Variants in SYNE1 observed in about 807,000 individuals in gnomAD.
SYNE1 encodes the protein nesprin-1.
Under a neutral mutation model 1,111.0 loss-of-function variants are expected in SYNE1, and 616 were observed. The ratio of observed to expected loss-of-function variants is 0.55; its 90% CI spans 0.52 to 0.59. SYNE1 has a LOEUF of 0.59. Ranked by LOEUF, SYNE1 falls within the 20% of genes least tolerant of loss-of-function variation. The pLI, the probability that SYNE1 is intolerant of heterozygous loss-of-function variation, is 0.00. For missense variants in SYNE1, 10,006 were observed against 10,417.0 expected (o/e 0.96, Z 1.72); for synonymous variants, 3,855 against 3,825.8 (o/e 1.01, Z -0.28).
chr6:152,412,809 A>T (rs562320371), intron 42 of SYNE1, among the ~76,000 whole-genome samples: 1 of 152,188 alleles, frequency 6.6e-6, no homozygotes, highest in South Asian at 2.1e-4. Flanking sequence ...GTACTTCATA[A>T]CTGTTGACAA....
At position 152,442,119 on chromosome 6, in the gene SYNE1, C is replaced by A. The variant is rs1325233381; in HGVS notation, c.3964G>T (p.Asp1322Tyr). 6.2e-7 allele frequency: 1 copy of A among 1,614,110 alleles called. No homozygotes were observed. Among genetic ancestry groups the A allele is most frequent in the South Asian group, 1.1e-5 (1 of 91,082 alleles). ...EELRKLESTL[D>Y]GLERSRERQE... ...CTCTCCCGGCTGCGCTCCAGGCCAT[C>A]CAGTGTGCTCTCCAGCTTCCGCAGC... is the stretch of plus-strand genomic sequence containing the variant. Residue 1322 changes from aspartate to tyrosine, a missense_variant, in exon 31 of 146, where the codon GAT becomes TAT. Around this residue, in one of 7 missense-constraint regions of SYNE1, gnomAD observed 1,971 missense variants for 2,084.1 expected, o/e 0.95. Transcript: ENST00000367255.
chr6:152,611,522 A>C, intron 3 of SYNE1, among the ~76,000 whole-genome samples: 1 of 152,142 alleles, frequency 6.6e-6, no homozygotes, highest in Non-Finnish European at 1.5e-5. Context: ...CTACAAAGAG[A>C]CTTAGACTCC....
chr6:152,485,017 A>C, intron 12 of SYNE1, 45 bp from the exon 13 acceptor site: 1 of 1,595,748 alleles, frequency 6.3e-7, no homozygotes. Context: ...AGTCAAAAAA[A>C]GCAAAAGCAA....
chr6:152,376,238 C>T lies in SYNE1; in HGVS notation c.9324+143G>A, dbSNP rs1007305934. ...GGCAGTAACGCTCATTGGCCTGCTG[C>T]TCACCTCCTGCTGTGCGGCCTGGTT... On this transcript the variant is annotated intron_variant, in intron 58 of 145. Coordinates refer to ENST00000367255, the MANE Select transcript of SYNE1 (RefSeq NM_182961.4). 103 of 787,388 alleles carry T rather than the reference C, an allele frequency of 1.3e-4. No homozygotes were observed. The Middle Eastern group carries it at 1.8e-3, about 14-fold the overall frequency. The allele number at this position is 787,388 out of a possible 1,614,324, so 48.8% of individuals were successfully genotyped here.
intron 3 of SYNE1, among the ~76,000 whole-genome samples, chr6:152,543,943 T>C (rs2099290365): frequency 6.6e-6 from 1 of 152,108 alleles, no homozygotes; most frequent in Admixed American, 6.6e-5. Context: ...CCCTACAGAG[T>C]TCCCACAATG....
rs923880167 is a variant in SYNE1, at chr6:152,347,891, A to G, written c.11902-656T>C. On this transcript the variant is annotated intron_variant, in intron 72 of 145. Transcript: ENST00000367255. The stretch of plus-strand genomic sequence containing the variant: ...TTTTTAGTAGAGATGGAGTTTTACC[A>G]TGTTGGCCAGCTGGTCTTGAACTCC... Among the ~76,000 whole-genome samples the G allele has an allele frequency of 4.0e-5, 6 of 148,668 alleles. No individual in the cohort carries two copies. The East Asian group carries it at 1.2e-3, about 29-fold the overall frequency.
intron 93 of SYNE1, among the ~76,000 whole-genome samples, chr6:152,294,506 A>G (rs572295442): frequency 2.0e-5 from 3 of 152,342 alleles, no homozygotes; most frequent in Admixed American, 1.3e-4. Context: ...ATGTTGTCGA[A>G]TGTATTCATT....
At chr6:152,482,950 T>C (rs1192898112) in intron 14 of SYNE1, 135 bp downstream of exon 14, 1 of 996,222 alleles carries the variant, frequency 1.0e-6, no homozygotes, top group Admixed American at 1.7e-5. Flanking sequence ...TAGAGAACTC[T>C]AAGAAGGTGT....
At chr6:152,511,641 T>C in intron 6 of SYNE1, 1 of 1,571,904 alleles carries the variant, frequency 6.4e-7, no homozygotes, top group Non-Finnish European at 8.8e-7. Context: ...TAAATCATCT[T>C]TCAAAATCAG....
chr6:152,633,395 AG>A (rs1444900962), intron 2 of SYNE1, among the ~76,000 whole-genome samples: 1 of 152,270 alleles, frequency 6.6e-6, no homozygotes, highest in Non-Finnish European at 1.5e-5. Flanking sequence ...CATGGTACTG[AG>A]TAAACAGCAG....
At chr6:152,180,680 A>T (rs2067748378) in intron 128 of SYNE1, among the ~76,000 whole-genome samples, 1 of 152,146 alleles carries the variant, frequency 6.6e-6, no homozygotes, top group Admixed American at 6.5e-5. Flanking sequence ...AAGGAAAGAA[A>T]GAAAAAAGGA....
chr6:152,309,693 TCTC>T, intron 90 of SYNE1, 139 bp downstream of exon 90: 1 of 1,047,808 alleles, frequency 9.5e-7, no homozygotes, highest in Non-Finnish European at 1.4e-6. Context: ...AGCATTTTAA[TCTC>T]CTTATTTTAT....
chr6:152,313,479 T>TG (rs2095615704), intron 87 of SYNE1, among the ~76,000 whole-genome samples: 1 of 151,322 alleles, frequency 6.6e-6, no homozygotes, highest in Non-Finnish European at 1.5e-5. Context: ...TTTTTTTTTT[T>TG]TTGAAATGGA....
intron 3 of SYNE1, among the ~76,000 whole-genome samples, chr6:152,622,934 T>A (rs554352470): frequency 6.6e-6 from 1 of 152,288 alleles, no homozygotes; most frequent in East Asian, 1.9e-4. Context: ...ATCAGTTACT[T>A]TTTTTACTTT....
intron 114 of SYNE1, among the ~76,000 whole-genome samples, chr6:152,230,936 A>G (rs2153511787): frequency 6.6e-6 from 1 of 152,118 alleles, no homozygotes; most frequent in East Asian, 1.9e-4. Context: ...ACAATAGCCG[A>G]CGATCTAAAA....
At chr6:152,619,273 C>A (rs1369169188) in intron 3 of SYNE1, among the ~76,000 whole-genome samples, 3 of 152,098 alleles carry the variant, frequency 2.0e-5, no homozygotes, top group African/African-American at 7.2e-5. Flanking sequence ...TGGGCTCTGG[C>A]GTGGTCTTCA....
chr6:152,302,374 C>T (rs2095223591), intron 91 of SYNE1: 3 of 468,356 alleles, frequency 6.4e-6, no homozygotes, highest in Non-Finnish European at 7.9e-6. Flanking sequence ...CATGAACTTC[C>T]GCAACATTAG....
At chr6:152,307,926 G>A (rs2095427901) in intron 91 of SYNE1, among the ~76,000 whole-genome samples, 1 of 152,196 alleles carries the variant, frequency 6.6e-6, no homozygotes, top group Non-Finnish European at 1.5e-5. Context: ...TCTGCATCCT[G>A]GGTTCAAGTG....
At chr6:152,568,289 CTTTTTTTTT>C (rs10601350) in intron 3 of SYNE1, among the ~76,000 whole-genome samples, 4 of 80,310 alleles carry the variant, frequency 5.0e-5, no homozygotes, top group Admixed American at 1.7e-4. Flanking sequence ...TTATTTTATT[CTTTTTTTTT>C]TTTTTTTTTT....
Sources: gnomAD v4.1 joint callset for allele counts (sites outside exome capture counted in the v4.1 genomes callset) on GRCh38, gnomAD v4.1.1 for gene constraint, gnomAD v4.1.1 regional missense constraint, MANE v1.5 for transcripts, NCBI Gene and HGNC (gene_info 2026-07-23, HGNC 2026-07-21) for gene names.